Variants in ZFAT observed in about 807,000 individuals in gnomAD.
ZFAT encodes zinc finger and AT-hook domain containing.
A neutral mutation model predicts 117.7 loss-of-function variants in ZFAT; 64 were observed. The ratio of observed to expected loss-of-function variants is 0.54; its 90% CI spans 0.44 to 0.67. The LOEUF (loss-of-function observed/expected upper bound fraction) is 0.67. Among genes scored for constraint, ZFAT ranks in the 30% least tolerant of loss-of-function variants. ZFAT has a pLI of 0.00. For synonymous variants in ZFAT, 679 were observed against 615.0 expected (o/e 1.10, Z -1.54); for missense variants, 1,433 against 1,584.5 (o/e 0.90, Z 1.62).
the ZFAT span, among the ~76,000 whole-genome samples, chr8:134,825,908 C>T: frequency 6.6e-6 from 1 of 151,842 alleles, no homozygotes; most frequent in African/African-American, 2.4e-5. Context: ...GTAGTCCCAG[C>T]TACTCAGGAG....
At chr8:134,582,017 G>A (rs1400505372) in intron 10 of ZFAT, among the ~76,000 whole-genome samples, 1 of 149,286 alleles carries the variant, frequency 6.7e-6, no homozygotes. Context: ...CCAATGTTTT[G>A]TTAGAAAATA....
At chr8:134,671,965 C>A (rs563700528) in intron 1 of ZFAT, among the ~76,000 whole-genome samples, 1 of 152,236 alleles carries the variant, frequency 6.6e-6, no homozygotes, top group East Asian at 1.9e-4. Flanking sequence ...CAATAACGGA[C>A]AAACAGAGAG....
chr8:134,740,475 G>T, the ZFAT span, among the ~76,000 whole-genome samples: 1 of 152,182 alleles, frequency 6.6e-6, no homozygotes, highest in African/African-American at 2.4e-5. Context: ...CAACAGATTA[G>T]AAATTAAACA....
chr8:134,809,133 T>G, the ZFAT span, among the ~76,000 whole-genome samples: 1 of 152,142 alleles, frequency 6.6e-6, no homozygotes, highest in Non-Finnish European at 1.5e-5. Context: ...GAACCAAGCA[T>G]CATCATATAC....
chr8:134,780,405 T>C, the ZFAT span, among the ~76,000 whole-genome samples: 1 of 152,340 alleles, frequency 6.6e-6, no homozygotes, highest in South Asian at 2.1e-4. Flanking sequence ...ACCAAATTCC[T>C]ATCCTTGGGG....
chr8:134,511,548 G>T (rs1021219954), intron 14 of ZFAT, among the ~76,000 whole-genome samples: 12 of 152,154 alleles, frequency 7.9e-5, no homozygotes, highest in African/African-American at 2.9e-4. Context: ...TCTGGAGTTT[G>T]GGGTTTTAGG....
upstream of ZFAT, among the ~76,000 whole-genome samples, chr8:134,713,458 G>A (rs1814116528): frequency 6.6e-6 from 1 of 152,232 alleles, no homozygotes; most frequent in Non-Finnish European, 1.5e-5. Flanking sequence ...CTCCCAACCT[G>A]CATCCCGCTC....
the ZFAT span, among the ~76,000 whole-genome samples, chr8:134,781,497 T>C: frequency 6.6e-6 from 1 of 152,204 alleles, no homozygotes; most frequent in African/African-American, 2.4e-5. Context: ...CCTTAAAGTC[T>C]TCCAGATATC....
At chr8:134,616,931 T>C (rs1314933111) in intron 3 of ZFAT, among the ~76,000 whole-genome samples, 1 of 152,228 alleles carries the variant, frequency 6.6e-6, no homozygotes, top group Non-Finnish European at 1.5e-5. Flanking sequence ...AAGATGGCTG[T>C]AAGGTGGAAG....
At chr8:134,713,080 C>A (rs569153428), upstream of ZFAT, 10 of 479,222 alleles carry the variant, frequency 2.1e-5, no homozygotes, top group African/African-American at 2.0e-4. Flanking sequence ...GCGTAGCGGA[C>A]GTCCGCTTCG....
At position 134,600,513 on chromosome 8, in the gene ZFAT, A is replaced by C; in HGVS notation, c.2398T>G (p.Cys800Gly). Residue 800 changes from cysteine to glycine, a missense_variant, in exon 7 of 16, where the codon TGT (cysteine) becomes GGT (glycine). By Grantham distance (159) the Cys-to-Gly change is radical. Coordinates refer to ENST00000377838, the MANE Select transcript of ZFAT (RefSeq NM_020863.4). ...GAGTAGTCACAGCCATCGGTGGGACACTTCAGCAAGATGTTACTGTGTTTC... is the reference window on the plus strand; with the variant it reads ...GAGTAGTCACAGCCATCGGTGGGACCCTTCAGCAAGATGTTACTGTGTTTC... ...IQKHSNILLK[C>G]PTDGCDYSTP... 6.2e-7 allele frequency: 1 copy of C among 1,614,234 alleles called. No individual in the cohort carries two copies. The highest frequency in any genetic ancestry group is 8.5e-7 in the Non-Finnish European group (1 of 1,180,040).
At chr8:134,822,857 G>A in the ZFAT span, among the ~76,000 whole-genome samples, 2 of 152,072 alleles carry the variant, frequency 1.3e-5, no homozygotes, top group Non-Finnish European at 1.5e-5. Context: ...TTAAAAAGCG[G>A]CTTCATTGAC....
chr8:134,529,760 T>C (rs947320867), intron 12 of ZFAT, among the ~76,000 whole-genome samples: 2 of 152,170 alleles, frequency 1.3e-5, no homozygotes, highest in Non-Finnish European at 2.9e-5. Context: ...CAGCTTAAAC[T>C]TGGCCATGGT....
the ZFAT span, among the ~76,000 whole-genome samples, chr8:134,732,875 A>C: frequency 6.6e-6 from 1 of 152,130 alleles, no homozygotes; most frequent in Non-Finnish European, 1.5e-5. Flanking sequence ...ATTCCGTAGG[A>C]TCCTATAATG....
chr8:134,712,727 C>CGG (rs1341217653), intron 1 of ZFAT, 118 bp downstream of exon 1: 7 of 874,638 alleles, frequency 8.0e-6, no homozygotes, highest in Non-Finnish European at 9.4e-6. Flanking sequence ...CCGCGGCCGG[C>CGG]GGCCGGCGGC....
At chr8:134,707,431 A>G (rs2131366972) in intron 1 of ZFAT, among the ~76,000 whole-genome samples, 1 of 152,318 alleles carries the variant, frequency 6.6e-6, no homozygotes, top group Admixed American at 6.5e-5. Context: ...TAATAGTAAA[A>G]AAAAAATTAA....
At chr8:134,777,236 C>T in the ZFAT span, among the ~76,000 whole-genome samples, 4 of 152,152 alleles carry the variant, frequency 2.6e-5, no homozygotes, top group African/African-American at 9.7e-5. Context: ...AATCTGGACA[C>T]TGAATAGAGA....
the ZFAT span, among the ~76,000 whole-genome samples, chr8:134,724,573 A>G: frequency 1.3e-5 from 2 of 151,640 alleles, no homozygotes; most frequent in Non-Finnish European, 2.9e-5. Context: ...CATGGCCATA[A>G]CTCATGTATA....
At chr8:134,826,750 C>T in the ZFAT span, among the ~76,000 whole-genome samples, 2 of 152,126 alleles carry the variant, frequency 1.3e-5, no homozygotes, top group African/African-American at 2.4e-5. Context: ...TTATATTTCC[C>T]CTAGTTTGTG....
Sources: allele counts gnomAD v4.1 joint callset (sites outside exome capture counted in the v4.1 genomes callset), GRCh38; gene constraint gnomAD v4.1.1; transcripts MANE v1.5; gene names NCBI Gene and HGNC (gene_info 2026-07-23, HGNC 2026-07-21).